Variants in ZBTB20 observed in about 807,000 individuals in gnomAD.
The protein encoded by ZBTB20 is zinc finger and BTB domain containing 20, also known as zinc finger and BTB domain-containing protein 20.
In ZBTB20, 9 loss-of-function variants were observed where a neutral mutation model predicts 56.9. The ratio of observed to expected loss-of-function variants is 0.16; its 90% CI spans 0.10 to 0.28. The LOEUF (loss-of-function observed/expected upper bound fraction) is 0.28. ZBTB20 is among the 10% of genes least tolerant of loss of function. The pLI is 1.00. For missense variants in ZBTB20, 655 were observed against 1,003.0 expected (o/e 0.65, Z 4.69); for synonymous variants, 417 against 420.7 (o/e 0.99, Z 0.11).
At chr3:114,636,848 A>G (rs114429113) in intron 6 of ZBTB20, among the ~76,000 whole-genome samples, 2,600 of 152,138 alleles carry the variant, frequency 0.017, 62 homozygotes, top group African/African-American at 0.059. Context: ...AGCTTCCCCA[A>G]TCAAAAGATA....
intron 5 of ZBTB20, among the ~76,000 whole-genome samples, chr3:114,730,531 C>T (rs1270110780): frequency 6.6e-6 from 1 of 152,124 alleles, no homozygotes; most frequent in Non-Finnish European, 1.5e-5. Flanking sequence ...TTAATGAGGT[C>T]ATAAGGTTGG....
chr3:115,078,689 T>C (rs1361180013), intron 1 of ZBTB20, among the ~76,000 whole-genome samples: 4 of 149,014 alleles, frequency 2.7e-5, no homozygotes, highest in Admixed American at 6.7e-5. Flanking sequence ...TTGAGGTAGT[T>C]GGGAATGAAG....
At chr3:114,619,839 T>C (rs753584245) in intron 6 of ZBTB20, among the ~76,000 whole-genome samples, 36 of 152,202 alleles carry the variant, frequency 2.4e-4, no homozygotes, top group Admixed American at 4.6e-4. Context: ...TTCTTGCCCC[T>C]GCTCTTTATT....
At chr3:114,368,170 A>C (rs2082623332) in intron 10 of ZBTB20, among the ~76,000 whole-genome samples, 1 of 152,200 alleles carries the variant, frequency 6.6e-6, no homozygotes, top group African/African-American at 2.4e-5. Context: ...GATGCATACT[A>C]TTTTTATTCT....
At chr3:114,888,796 C>T (rs1267612712) in intron 4 of ZBTB20, among the ~76,000 whole-genome samples, 4 of 152,084 alleles carry the variant, frequency 2.6e-5, no homozygotes, top group South Asian at 4.1e-4. Context: ...TTAAGTAATA[C>T]TAAACTCAGC....
Position 114,433,950 on chromosome 3 carries a change from G to A in ZBTB20, c.-254-44845C>T, listed in dbSNP as rs1376781546. Reference sequence around the variant, plus strand: ...TTAGCTAGGCTGTGAGGGGAGGGATGTGCTCACTGTGTCCACAGCTCCTCT... The same window carrying A: ...TTAGCTAGGCTGTGAGGGGAGGGATATGCTCACTGTGTCCACAGCTCCTCT... On this transcript the variant is annotated intron_variant, in intron 7 of 11. Coordinates refer to ENST00000675478, the MANE Select transcript of ZBTB20 (RefSeq NM_001348800.3). 2.6e-5 allele frequency among the ~76,000 whole-genome samples: 4 copies of A among 152,288 alleles called. No homozygotes were observed. In the East Asian group the frequency reaches 7.7e-4, roughly 29 times the overall value.
At chr3:115,014,778 GTTT>G (rs1431506643) in intron 2 of ZBTB20, among the ~76,000 whole-genome samples, 2 of 151,352 alleles carry the variant, frequency 1.3e-5, no homozygotes, top group Non-Finnish European at 3.0e-5. Context: ...TGTCTTTTTT[GTTT>G]TTTGTTTCCT....
At chr3:114,861,831 A>G (rs752395273) in intron 4 of ZBTB20, 19 of 152,224 alleles carry the variant, frequency 1.2e-4, no homozygotes, top group Admixed American at 1.1e-3. Context: ...AGCAAAAATC[A>G]GAAGAACTTT....
chr3:114,677,209 A>T (rs2061679849), intron 6 of ZBTB20, among the ~76,000 whole-genome samples: 2 of 152,182 alleles, frequency 1.3e-5, no homozygotes, highest in South Asian at 4.1e-4. Flanking sequence ...TTTAAGGTAG[A>T]TCTTTAGTAA....
In ZBTB20 at chr3:114,831,292, A is replaced by G. The variant is rs186504085; in HGVS notation, c.-416-30118T>C. On this transcript the variant is annotated intron_variant, in intron 4 of 11. Coordinates refer to ENST00000675478, the MANE Select transcript of ZBTB20 (RefSeq NM_001348800.3). ...TACACAGTATAGTGGATAAGGGCGC[A>G]AGCTCAGAAACCCAGACTGCCTGGG... is the stretch of plus-strand genomic sequence containing the variant. 6.6e-4 allele frequency among the ~76,000 whole-genome samples: 100 copies of G among 151,924 alleles called. 1 individual carries two copies. Among genetic ancestry groups the G allele is most frequent in the African/African-American group, 2.3e-3 (94 of 41,502 alleles).
At chr3:114,960,076 A>T (rs2077393027) in intron 3 of ZBTB20, among the ~76,000 whole-genome samples, 1 of 152,186 alleles carries the variant, frequency 6.6e-6, no homozygotes, top group Non-Finnish European at 1.5e-5. Context: ...GCTTTTGCCC[A>T]CTTGGTGAAT....
intron 5 of ZBTB20, among the ~76,000 whole-genome samples, chr3:114,696,852 A>G (rs1353581096): frequency 6.6e-6 from 1 of 152,074 alleles, no homozygotes; most frequent in Non-Finnish European, 1.5e-5. Flanking sequence ...TACATTTGAG[A>G]CATTAAGAAG....
intron 5 of ZBTB20, among the ~76,000 whole-genome samples, chr3:114,740,578 A>G (rs2066501819): frequency 6.6e-6 from 1 of 152,202 alleles, no homozygotes; most frequent in African/African-American, 2.4e-5. Flanking sequence ...AGTGGGTGGT[A>G]GAGGAGAAGT....
At chr3:115,128,730 T>TGGAGGGGAGGGGAGGGCAGG (rs2084411576) in intron 1 of ZBTB20, among the ~76,000 whole-genome samples, 1 of 15,012 alleles carries the variant, frequency 6.7e-5, no homozygotes, top group African/African-American at 2.4e-4. Context: ...GGGAGGGCAG[T>TGGAGGGGAGGGGAGGGCAGG]GGAGGGGAGG....
chr3:114,651,260 T>C lies in ZBTB20; in HGVS notation c.-295+42268A>G, dbSNP rs892538733. Among the ~76,000 whole-genome samples, 8 of 151,942 alleles carry C rather than the reference T, an allele frequency of 5.3e-5. No individual in the cohort carries two copies. In the East Asian group the frequency reaches 9.6e-4, roughly 18 times the overall value. On this transcript the variant is annotated intron_variant, in intron 6 of 11. Transcript: ENST00000675478. ...TACAATCAGACTTGGGCAGTATTTG[T>C]TGGGGACAGCTAGAAAGAAATGAAA... is the stretch of plus-strand genomic sequence containing the variant.
At chr3:114,520,332 ATT>A (rs1249127826) in intron 6 of ZBTB20, among the ~76,000 whole-genome samples, 2 of 152,172 alleles carry the variant, frequency 1.3e-5, no homozygotes, top group African/African-American at 4.8e-5. Context: ...AACAATGCAA[ATT>A]GACTCATTCC....
chr3:114,332,268 A>C lies in ZBTB20; in HGVS notation c.*6737T>G, dbSNP rs1333742703. 1 of 152,120 alleles carries C rather than the reference A, an allele frequency of 6.6e-6. No individual in the cohort carries two copies. Among genetic ancestry groups the C allele is most frequent in the East Asian group, 1.9e-4 (1 of 5,196 alleles). The allele number at this position is 152,120 out of a possible 1,614,324, so 9.4% of individuals were successfully genotyped here. ...CTCTTGCACCGGAGACTTGAAAGTT[A>C]TGAGTTTGCATTCAAACAAAGAACC... On this transcript the variant is annotated 3_prime_UTR_variant, in exon 12 of 12. Coordinates refer to ENST00000675478, the MANE Select transcript of ZBTB20 (RefSeq NM_001348800.3).
intron 10 of ZBTB20, chr3:114,352,099 C>T (rs751708921): frequency 4.5e-5 from 26 of 582,912 alleles, no homozygotes; most frequent in Non-Finnish European, 7.0e-5. Context: ...CCTTTAGTGC[C>T]GCAGCCATTT....
intron 5 of ZBTB20, among the ~76,000 whole-genome samples, chr3:114,788,747 T>C (rs1274465997): frequency 6.6e-6 from 1 of 152,118 alleles, no homozygotes; most frequent in Non-Finnish European, 1.5e-5. Context: ...CTCACACTAC[T>C]AATAAAGATG....
Sources: allele counts gnomAD v4.1 joint callset (sites outside exome capture counted in the v4.1 genomes callset), GRCh38; gene constraint gnomAD v4.1.1; transcripts MANE v1.5; gene names NCBI Gene and HGNC (gene_info 2026-07-23, HGNC 2026-07-21).